Variants in SLCO6A1 observed in about 807,000 individuals in gnomAD.
The protein encoded by SLCO6A1 is cancer/testis antigen 48.
SLCO6A1 carries 65 observed loss-of-function variants against 72.7 expected under a neutral mutation model. That is an observed-to-expected ratio of 0.89 (90% CI 0.73 to 1.10). The LOEUF is 1.10. SLCO6A1 is among the 50% of genes least tolerant of loss of function. SLCO6A1 has a pLI of 0.00. For missense variants in SLCO6A1, 874 were observed against 872.6 expected, an observed-to-expected ratio of 1.00 and a Z score of -0.02; for synonymous variants, 314 against 298.2, an observed-to-expected ratio of 1.05 and a Z score of -0.55.
chr5:102,495,334 C>T lies in SLCO6A1; in HGVS notation c.358+3153G>A, dbSNP rs1017191138. On this transcript the variant is annotated intron_variant, in intron 1 of 13. Coordinates refer to ENST00000506729, the MANE Select transcript of SLCO6A1 (RefSeq NM_173488.5). ...ATTGGCTGGGCATGGTGGCTTATGC[C>T]TGTAATTCCAGCACTTTGGGAGGCC... Among the ~76,000 whole-genome samples, 3 of 152,206 alleles carry T rather than the reference C, an allele frequency of 2.0e-5. No homozygotes were observed. The South Asian group carries it at 6.2e-4, about 31-fold the overall frequency.
intron 6 of SLCO6A1, among the ~76,000 whole-genome samples, 179 bp from the exon 7 acceptor site, chr5:102,438,940 A>C (rs1172989142): frequency 6.6e-6 from 1 of 152,002 alleles, no homozygotes; most frequent in Admixed American, 6.5e-5. Flanking sequence ...TCCAAACAGC[A>C]ATCTATGATT....
chr5:102,419,924 T>G lies in SLCO6A1; in HGVS notation c.1374A>C (p.Ile458=). 2 of 1,609,628 alleles carry G rather than the reference T, an allele frequency of 1.2e-6. No individual in the cohort carries two copies. The highest frequency in any genetic ancestry group is 1.7e-6 in the Non-Finnish European group (2 of 1,178,634). The change falls in exon 8 of 14, where the codon ATA becomes ATC. Residue 458 remains isoleucine (I), a synonymous_variant. Transcript: ENST00000506729. ...EMSCKALMRF[I]MVTSVISLIL... is the part of the protein sequence containing the mutation. ...TAAGTGATATCACAGATGTAACCAT[T>G]ATAAATCTCATAAGGGCTTTACAAG...
chr5:102,390,719 A>G (rs972763107), intron 11 of SLCO6A1, among the ~76,000 whole-genome samples: 8 of 152,120 alleles, frequency 5.3e-5, no homozygotes, highest in African/African-American at 1.9e-4. Flanking sequence ...ATATGAGATG[A>G]TTACTATATT....
At chr5:102,417,626 A>G (rs1051553535) in intron 8 of SLCO6A1, among the ~76,000 whole-genome samples, 1 of 152,126 alleles carries the variant, frequency 6.6e-6, no homozygotes. Flanking sequence ...TTAAATAATT[A>G]TTTTCAAAGA....
chr5:102,436,923 T>C (rs1226357853), intron 7 of SLCO6A1, among the ~76,000 whole-genome samples: 2 of 152,180 alleles, frequency 1.3e-5, no homozygotes, highest in African/African-American at 2.4e-5. Context: ...ATGGAAATGA[T>C]AGATTCAAGA....
intron 6 of SLCO6A1, among the ~76,000 whole-genome samples, chr5:102,442,195 G>A (rs544274990): frequency 7.2e-5 from 11 of 152,134 alleles, no homozygotes; most frequent in South Asian, 4.1e-4. Flanking sequence ...TCCATATCTC[G>A]TTTTTAGGAA....
chr5:102,495,926 T>G (rs1752890612), intron 1 of SLCO6A1, among the ~76,000 whole-genome samples: 1 of 152,194 alleles, frequency 6.6e-6, no homozygotes, highest in Non-Finnish European at 1.5e-5. Flanking sequence ...TATGAGGAAG[T>G]GTTCCAGATT....
chr5:102,440,007 G>A (rs1749746353), intron 6 of SLCO6A1, among the ~76,000 whole-genome samples: 2 of 152,156 alleles, frequency 1.3e-5, no homozygotes, highest in African/African-American at 2.4e-5. Flanking sequence ...TGACTTCTGA[G>A]GTTGGGTCGT....
intron 12 of SLCO6A1, among the ~76,000 whole-genome samples, chr5:102,380,191 T>G (rs1467252321): frequency 1.3e-5 from 2 of 152,122 alleles, no homozygotes; most frequent in East Asian, 3.9e-4. Flanking sequence ...GTGCTCTTTC[T>G]TATATATGTA....
intron 12 of SLCO6A1, among the ~76,000 whole-genome samples, 185 bp downstream of exon 12, chr5:102,388,503 A>G (rs1746542231): frequency 6.6e-6 from 1 of 151,908 alleles, no homozygotes; most frequent in Non-Finnish European, 1.5e-5. Context: ...ATACTCGGCT[A>G]TTTTTTTATT....
chr5:102,428,734 A>G (rs1749051458), intron 7 of SLCO6A1, among the ~76,000 whole-genome samples: 1 of 152,024 alleles, frequency 6.6e-6, no homozygotes, highest in Non-Finnish European at 1.5e-5. Context: ...TGTCTTTGCT[A>G]TTGTGAATAG....
intron 12 of SLCO6A1, among the ~76,000 whole-genome samples, chr5:102,387,780 T>C (rs944485804): frequency 5.9e-5 from 9 of 152,122 alleles, no homozygotes; most frequent in African/African-American, 2.2e-4. Flanking sequence ...AAACATAATA[T>C]ACAATAAAAT....
intron 7 of SLCO6A1, among the ~76,000 whole-genome samples, chr5:102,422,942 C>T (rs994024701): frequency 2.0e-5 from 3 of 152,162 alleles, no homozygotes; most frequent in East Asian, 1.9e-4. Flanking sequence ...AGAAACCCTA[C>T]AAGCCAGAAG....
At chr5:102,483,016 A>T (rs1023241438) in intron 1 of SLCO6A1, among the ~76,000 whole-genome samples, 12 of 152,226 alleles carry the variant, frequency 7.9e-5, no homozygotes, top group Non-Finnish European at 1.5e-4. Flanking sequence ...AGTTAAGGCC[A>T]TGTATTCACC....
intron 12 of SLCO6A1, among the ~76,000 whole-genome samples, chr5:102,386,407 G>A (rs1746419850): frequency 6.6e-6 from 1 of 152,194 alleles, no homozygotes; most frequent in Non-Finnish European, 1.5e-5. Context: ...CATCTGCAGA[G>A]GTGGTTCTAA....
At chr5:102,421,249 A>AC (rs1365307826) in intron 7 of SLCO6A1, among the ~76,000 whole-genome samples, 2 of 151,282 alleles carry the variant, frequency 1.3e-5, no homozygotes, top group Admixed American at 6.6e-5. Flanking sequence ...CCCCAGTGGC[A>AC]CCTGGAACCC....
chr5:102,395,391 T>C (rs1747015456), intron 10 of SLCO6A1, among the ~76,000 whole-genome samples: 1 of 152,174 alleles, frequency 6.6e-6, no homozygotes, highest in Non-Finnish European at 1.5e-5. Flanking sequence ...TATGGCTGCA[T>C]AGTATTCCAC....
chr5:102,427,864 A>ATTT (rs1200200259), intron 7 of SLCO6A1, among the ~76,000 whole-genome samples: 60 of 76,272 alleles, frequency 7.9e-4, no homozygotes, highest in African/African-American at 1.3e-3. Flanking sequence ...ATATATATAT[A>ATTT]TTTTTTTTTT....
At chr5:102,459,885 G>T in intron 4 of SLCO6A1, 108 bp from the exon 5 acceptor site, 1 of 926,540 alleles carries the variant, frequency 1.1e-6, no homozygotes, top group Non-Finnish European at 1.5e-6. Context: ...GAGGGTTGGA[G>T]AGTGAGACAG....
Sources: allele counts gnomAD v4.1 joint callset (sites outside exome capture counted in the v4.1 genomes callset), GRCh38; gene constraint gnomAD v4.1.1; transcripts MANE v1.5; gene names NCBI Gene and HGNC (gene_info 2026-07-23, HGNC 2026-07-21).